The following LZTFL1 variants were observed in gnomAD, a reference collection of about 807,000 sequenced individuals.
LZTFL1 encodes leucine zipper transcription factor-like protein 1.
LZTFL1 carries 25 observed loss-of-function variants against 45.9 expected under a neutral mutation model. The ratio of observed to expected loss-of-function variants is 0.54; its 90% CI spans 0.40 to 0.76. The LOEUF (loss-of-function observed/expected upper bound fraction) is 0.76, where lower values mean the gene tolerates loss of function less well. Ranked by LOEUF, LZTFL1 falls within the 30% of genes least tolerant of loss-of-function variation. The pLI, the probability that LZTFL1 is intolerant of heterozygous loss-of-function variation, is 0.00. For synonymous variants in LZTFL1, 93 were observed against 117.4 expected (o/e 0.79, Z 1.35); for missense variants, 277 against 331.1 (o/e 0.84, Z 1.27).
At chr3:45,863,606 C>T (rs1359591483) in intron 2 of LZTFL1, among the ~76,000 whole-genome samples, 2 of 152,170 alleles carry the variant, frequency 1.3e-5, no homozygotes, top group African/African-American at 2.4e-5. Context: ...ACAGCATCCC[C>T]TGTGACGCAG....
chr3:45,890,907 C>A (rs1702159286), intron 2 of LZTFL1, among the ~76,000 whole-genome samples: 1 of 152,166 alleles, frequency 6.6e-6, no homozygotes, highest in South Asian at 2.1e-4. Context: ...AAGAAATGTT[C>A]ATAATCCGTT....
intron 2 of LZTFL1, among the ~76,000 whole-genome samples, chr3:45,888,341 T>C (rs574805651): frequency 6.6e-6 from 1 of 152,324 alleles, no homozygotes; most frequent in African/African-American, 2.4e-5. Flanking sequence ...GAAGCCCTCC[T>C]GGATTCTCCC....
intron 2 of LZTFL1, among the ~76,000 whole-genome samples, chr3:45,860,034 T>C (rs1701460014): frequency 6.6e-6 from 1 of 152,204 alleles, no homozygotes; most frequent in Non-Finnish European, 1.5e-5. Context: ...CACAGTATGA[T>C]GACCAGCCAC....
intron 2 of LZTFL1, among the ~76,000 whole-genome samples, chr3:45,863,368 T>G (rs1021277824): frequency 6.6e-6 from 1 of 152,180 alleles, no homozygotes; most frequent in African/African-American, 2.4e-5. Context: ...AGGCAAGGAC[T>G]ATCAACCTGT....
chr3:45,828,810 T>G (rs760616232), intron 7 of LZTFL1, among the ~76,000 whole-genome samples, 195 bp from the exon 8 acceptor site: 16 of 152,230 alleles, frequency 1.1e-4, no homozygotes, highest in Non-Finnish European at 2.2e-4. Context: ...CAGCCCTGGG[T>G]ACGTGGTGTC....
chr3:45,827,539 T>A, intron 8 of LZTFL1, 80 bp from the exon 9 acceptor site: 1 of 876,198 alleles, frequency 1.1e-6, no homozygotes, highest in African/African-American at 1.7e-5. Flanking sequence ...AATATGTAGT[T>A]TTTTTTGCTT....
chr3:45,873,425 C>A (rs1169924553), intron 2 of LZTFL1, among the ~76,000 whole-genome samples: 2 of 152,198 alleles, frequency 1.3e-5, no homozygotes, highest in African/African-American at 4.8e-5. Context: ...CCTTACTTGC[C>A]TTACTTGCCT....
intron 2 of LZTFL1, among the ~76,000 whole-genome samples, chr3:45,859,797 C>A (rs766103494): frequency 2.0e-5 from 3 of 151,944 alleles, no homozygotes; most frequent in Admixed American, 6.6e-5. Context: ...CCACCACACC[C>A]GGCTAATTTT....
In LZTFL1 at chr3:45,847,979, C is replaced by A. The variant is rs1559408510; in HGVS notation, c.-49+7007G>T. 9.2e-5 allele frequency among the ~76,000 whole-genome samples: 14 copies of A among 152,146 alleles called. No individual in the cohort carries two copies. In the South Asian group the frequency reaches 2.9e-3, roughly 32 times the overall value. On this transcript the variant is annotated intron_variant, in intron 4 of 4. Coordinates refer to the LZTFL1 transcript ENST00000472635. ...AACTCACCTACTGCCTCTTAGTTGGCAGAAGCTGCCAACTAAGATATTTTT... is the reference window on the plus strand; with the variant it reads ...AACTCACCTACTGCCTCTTAGTTGGAAGAAGCTGCCAACTAAGATATTTTT...
At chr3:45,870,627 C>T (rs1701657166) in intron 2 of LZTFL1, among the ~76,000 whole-genome samples, 1 of 152,214 alleles carries the variant, frequency 6.6e-6, no homozygotes, top group African/African-American at 2.4e-5. Context: ...GCCTACTTAA[C>T]ATTTAAGACA....
chr3:45,827,378 C>T lies in LZTFL1; in HGVS notation c.859G>A (p.Asp287Asn). The T allele has an allele frequency of 6.2e-7, 1 of 1,613,270 alleles. No homozygotes were observed. The part of the protein sequence containing the change: ...ILTKKNDQIK[D>N]LRKRLAQYEP... ...TACTGTGCCAGTCTTTTCCTCAGAT[C>T]TTTGATTTGGTCATTCTTCTTGGTA... Residue 287 changes from aspartate to asparagine, a missense_variant, in exon 9 of 10, where the codon GAT becomes AAT. Asp to Asn is a conservative substitution (Grantham distance 23). Coordinates refer to ENST00000296135, the MANE Select transcript of LZTFL1 (RefSeq NM_020347.4).
chr3:45,866,923 G>A (rs537441449), intron 2 of LZTFL1, among the ~76,000 whole-genome samples: 91 of 152,154 alleles, frequency 6.0e-4, no homozygotes, highest in African/African-American at 1.9e-3. Flanking sequence ...TGAGGCAGGC[G>A]GATCACTTGA....
chr3:45,915,236 C>T (rs1026595502), intron 1 of LZTFL1, among the ~76,000 whole-genome samples: 6 of 152,192 alleles, frequency 3.9e-5, no homozygotes, highest in African/African-American at 1.4e-4. Flanking sequence ...ATGGCTTCTG[C>T]TAAGCAGCCC....
At chr3:45,879,034 G>T (rs1701803865) in intron 2 of LZTFL1, among the ~76,000 whole-genome samples, 1 of 152,200 alleles carries the variant, frequency 6.6e-6, no homozygotes, top group African/African-American at 2.4e-5. Flanking sequence ...ATGATATGGA[G>T]CATCAGGAAC....
intron 2 of LZTFL1, among the ~76,000 whole-genome samples, chr3:45,912,234 G>C (rs1343022692): frequency 6.6e-6 from 1 of 152,256 alleles, no homozygotes; most frequent in Admixed American, 6.5e-5. Flanking sequence ...GTATCTGGAG[G>C]AGAAGGTGGG....
At position 45,828,724 on chromosome 3, in the gene LZTFL1, G is replaced by A. The variant is rs912021311; in HGVS notation, c.601-109C>T. The A allele has an allele frequency of 8.6e-5, 84 of 974,238 alleles. No individual in the cohort carries two copies. The South Asian group carries it at 1.3e-3, about 15-fold the overall frequency. 60.3% of individuals were successfully genotyped at this position (974,238 alleles called of 1,614,324 possible). ...AGATGAAAAAAATGATGTATGTTTTGTGTGCATGCCAGCCTCCCTTGCCAG... is the reference window on the plus strand; with the variant it reads ...AGATGAAAAAAATGATGTATGTTTTATGTGCATGCCAGCCTCCCTTGCCAG... On this transcript the variant is annotated intron_variant, in intron 7 of 9. Coordinates refer to ENST00000296135, the MANE Select transcript of LZTFL1 (RefSeq NM_020347.4).
intron 2 of LZTFL1, among the ~76,000 whole-genome samples, chr3:45,868,926 T>C (rs1245493898): frequency 6.6e-6 from 1 of 152,042 alleles, no homozygotes; most frequent in Non-Finnish European, 1.5e-5. Flanking sequence ...CCTGAGAGCT[T>C]GTTAGAAATG....
chr3:45,833,133 T>C lies in LZTFL1; in HGVS notation c.385-12A>G, dbSNP rs754772933. Reference sequence around the variant, plus strand: ...ACATCTAAGATGGGCTGAAACAAAATAAAGAAACCAAACTGAAATCACCAC... The same window carrying C: ...ACATCTAAGATGGGCTGAAACAAAACAAAGAAACCAAACTGAAATCACCAC... On this transcript the variant is annotated splice_polypyrimidine_tract_variant and intron_variant, in intron 4 of 9. Coordinates refer to ENST00000296135, the MANE Select transcript of LZTFL1 (RefSeq NM_020347.4). 3 of 1,600,422 alleles carry C rather than the reference T, an allele frequency of 1.9e-6. No individual in the cohort carries two copies. The highest frequency in any genetic ancestry group is 2.2e-5 in the South Asian group (2 of 90,796).
chr3:45,896,701 T>C (rs1475006961), intron 2 of LZTFL1, among the ~76,000 whole-genome samples: 8 of 152,230 alleles, frequency 5.3e-5, no homozygotes, highest in South Asian at 2.1e-4. Context: ...GATTTAATAC[T>C]TTCTCAAGTG....
Sources: allele counts gnomAD v4.1 joint callset (sites outside exome capture counted in the v4.1 genomes callset), GRCh38; gene constraint gnomAD v4.1.1; transcripts MANE v1.5; gene names NCBI Gene and HGNC (gene_info 2026-07-23, HGNC 2026-07-21).